Variants in IL1RAP observed in about 807,000 individuals in gnomAD.
IL1RAP encodes interleukin 1 receptor accessory protein.
In IL1RAP, 35 loss-of-function variants were observed where a neutral mutation model predicts 60.7. The observed-to-expected ratio is 0.58, with a 90% CI of 0.44 to 0.76. The LOEUF is 0.76. Ranked by LOEUF, IL1RAP falls within the 30% of genes least tolerant of loss-of-function variation. IL1RAP has a pLI of 0.00. For synonymous variants in IL1RAP, 268 were observed against 250.9 expected (o/e 1.07, Z -0.64); for missense variants, 572 against 693.9 (o/e 0.82, Z 1.97).
At chr3:190,659,260 G>A (rs1476238954) in exon 12 of IL1RAP, 3 of 152,142 alleles carry the variant, frequency 2.0e-5, no homozygotes, top group Non-Finnish European at 4.4e-5. Context: ...TTAAATATGA[G>A]CTCATATTAT....
intron 9 of IL1RAP, among the ~76,000 whole-genome samples, chr3:190,633,717 T>C (rs549630996): frequency 6.6e-6 from 1 of 152,310 alleles, no homozygotes; most frequent in African/African-American, 2.4e-5. Context: ...ATGCAATTAA[T>C]TGATTTGTAT....
chr3:190,620,237 T>C (rs944407277), intron 5 of IL1RAP, 38 bp from the exon 6 acceptor site: 6 of 1,181,728 alleles, frequency 5.1e-6, no homozygotes, highest in Non-Finnish European at 7.1e-6. Flanking sequence ...TATGCATGTA[T>C]CTAAAAAGTA....
chr3:190,645,964 G>A (rs978512567), intron 11 of IL1RAP, 122 bp downstream of exon 11: 1 of 768,764 alleles, frequency 1.3e-6, no homozygotes, highest in Non-Finnish European at 2.1e-6. Context: ...GATGCTCTTT[G>A]ATGTAACAGA....
chr3:190,561,890 G>A (rs917628474), intron 2 of IL1RAP, among the ~76,000 whole-genome samples: 8 of 152,288 alleles, frequency 5.3e-5, no homozygotes, highest in African/African-American at 1.9e-4. Context: ...ACAGAATTTA[G>A]CAGCCATCTA....
chr3:190,576,186 A>G (rs1288154530), intron 3 of IL1RAP, among the ~76,000 whole-genome samples: 2 of 152,246 alleles, frequency 1.3e-5, no homozygotes, highest in African/African-American at 4.8e-5. Flanking sequence ...ATTTATTATA[A>G]TGTTGGGATG....
chr3:190,516,287 A>G (rs915101193), intron 1 of IL1RAP: 6 of 152,416 alleles, frequency 3.9e-5, no homozygotes, highest in Admixed American at 2.6e-4. Context: ...TTCCATGTAC[A>G]TGCATTGTGG....
chr3:190,559,090 G>A (rs570536128), intron 2 of IL1RAP, among the ~76,000 whole-genome samples: 35 of 152,196 alleles, frequency 2.3e-4, no homozygotes, highest in East Asian at 1.9e-3. Flanking sequence ...TATTCAGGTC[G>A]TCTGTTTCAT....
chr3:190,658,602 A>T (rs1734687939), exon 12 of IL1RAP: 1 of 152,326 alleles, frequency 6.6e-6, no homozygotes, highest in African/African-American at 2.4e-5. Flanking sequence ...AAGAGACCAC[A>T]CCTTACATGA....
Position 190,650,388 on chromosome 3 carries a change from T to G in IL1RAP, c.*1683T>G. ...AGCCAGCCATCGGGCATTAATTGAT[T>G]TCCTACTATATTCCCAGCAGACACA... is the stretch of plus-strand genomic sequence containing the variant. On this transcript the variant is annotated 3_prime_UTR_variant, in exon 12 of 12. Coordinates refer to ENST00000447382, the MANE Select transcript of IL1RAP (RefSeq NM_002182.4). 1 of 985,426 alleles carries G rather than the reference T, an allele frequency of 1.0e-6. No homozygotes were observed. The highest frequency in any genetic ancestry group is 4.7e-5 in the South Asian group (1 of 21,282). The allele number at this position is 985,426 out of a possible 1,614,324, so 61.0% of individuals were successfully genotyped here. A position where few individuals can be genotyped will look rare whatever the true frequency, so the allele number is the denominator to read the frequency against.
intron 1 of IL1RAP, among the ~76,000 whole-genome samples, chr3:190,552,780 G>A (rs909731451): frequency 3.9e-5 from 6 of 151,980 alleles, no homozygotes; most frequent in African/African-American, 1.5e-4. Flanking sequence ...AGGCAAAATG[G>A]AGAAAAATAA....
intron 11 of IL1RAP, 52 bp downstream of exon 11, chr3:190,645,894 T>C: frequency 6.6e-7 from 1 of 1,518,238 alleles, no homozygotes; most frequent in Non-Finnish European, 9.0e-7. Context: ...GCAGACAGAA[T>C]CATTAGTTTT....
chr3:190,552,926 A>C (rs9290937), intron 1 of IL1RAP, among the ~76,000 whole-genome samples: 4,029 of 152,282 alleles, frequency 0.026, 195 homozygotes, highest in African/African-American at 0.094. Flanking sequence ...TCCTTAAGAA[A>C]ATCCTTTTAA....
At chr3:190,553,300 C>T (rs1192095075) in intron 1 of IL1RAP, among the ~76,000 whole-genome samples, 2 of 152,184 alleles carry the variant, frequency 1.3e-5, no homozygotes, top group Non-Finnish European at 2.9e-5. Context: ...TAAAACTTTA[C>T]AGAGAATATA....
chr3:190,538,802 T>C (rs1723686797), intron 1 of IL1RAP, among the ~76,000 whole-genome samples: 1 of 152,098 alleles, frequency 6.6e-6, no homozygotes, highest in Admixed American at 6.6e-5. Context: ...CCATGATGCC[T>C]TTCTTGTGAT....
At chr3:190,532,261 C>CTT (rs370264409) in intron 1 of IL1RAP, among the ~76,000 whole-genome samples, 91 of 128,270 alleles carry the variant, frequency 7.1e-4, no homozygotes, top group African/African-American at 2.3e-3. Context: ...AATCATCTTT[C>CTT]TTTTTTTTTT....
At position 190,650,842 on chromosome 3, in the gene IL1RAP, C is replaced by A; in HGVS notation, c.*2137C>A. 2 of 985,266 alleles carry A rather than the reference C, an allele frequency of 2.0e-6. No individual in the cohort carries two copies. The highest frequency in any genetic ancestry group is 4.7e-5 in the South Asian group (1 of 21,288). The allele number at this position is 985,266 out of a possible 1,614,324, so 61.0% of individuals were successfully genotyped here. On this transcript the variant is annotated 3_prime_UTR_variant, in exon 12 of 12. Coordinates refer to ENST00000447382, the MANE Select transcript of IL1RAP (RefSeq NM_002182.4). Reference sequence around the variant, plus strand: ...TATCAATTCTTACATAAACTTTAGGCAAACAGGGAATAGTCTAGTCACCAA... The same window carrying A: ...TATCAATTCTTACATAAACTTTAGGAAAACAGGGAATAGTCTAGTCACCAA...
At chr3:190,521,471 TC>T (rs1212660543) in intron 1 of IL1RAP, among the ~76,000 whole-genome samples, 3 of 150,554 alleles carry the variant, frequency 2.0e-5, no homozygotes, top group African/African-American at 7.4e-5. Flanking sequence ...TTTTTTTTTT[TC>T]CTCAGTCAAT....
chr3:190,546,647 G>A (rs906178205), intron 1 of IL1RAP, among the ~76,000 whole-genome samples: 5 of 152,202 alleles, frequency 3.3e-5, no homozygotes, highest in African/African-American at 1.2e-4. Context: ...TTGCAGATGG[G>A]AGAAGTAAGT....
chr3:190,531,375 G>A (rs1722973893), intron 1 of IL1RAP, among the ~76,000 whole-genome samples: 2 of 152,056 alleles, frequency 1.3e-5, no homozygotes, highest in African/African-American at 4.8e-5. Context: ...CAGCTGTTCT[G>A]TTTCCTCACT....
Sources: allele counts gnomAD v4.1 joint callset (sites outside exome capture counted in the v4.1 genomes callset), GRCh38; gene constraint gnomAD v4.1.1; transcripts MANE v1.5; gene names NCBI Gene and HGNC (gene_info 2026-07-23, HGNC 2026-07-21).